The following BLTP1 variants were observed in gnomAD, a reference collection of about 807,000 sequenced individuals.
BLTP1 encodes bridge-like lipid transfer protein family member 1.
At chr4:122,339,495 A>G in the BLTP1 span, 3 of 917,338 alleles carry the variant, frequency 3.3e-6, no homozygotes, top group Non-Finnish European at 3.0e-6. Context: ...TACATATTTT[A>G]AAATATATTT....
the BLTP1 span, chr4:122,281,605 A>G: frequency 5.6e-6 from 9 of 1,613,398 alleles, no homozygotes; most frequent in Admixed American, 1.7e-5. Flanking sequence ...GTGTTAATCA[A>G]ACTCCTGTTG....
At chr4:122,203,408 C>G in the BLTP1 span, among the ~76,000 whole-genome samples, 1 of 151,830 alleles carries the variant, frequency 6.6e-6, no homozygotes, top group African/African-American at 2.4e-5. Flanking sequence ...AAATAATACA[C>G]TGGCATTGAA....
At chr4:122,300,918 C>CAA in the BLTP1 span, 93 of 888,788 alleles carry the variant, frequency 1.0e-4, no homozygotes, top group Non-Finnish European at 1.1e-4. Flanking sequence ...ATTGCCCAGG[C>CAA]AAAAAAAAAA....
the BLTP1 span, among the ~76,000 whole-genome samples, chr4:122,232,711 T>C: frequency 6.6e-6 from 1 of 152,168 alleles, no homozygotes; most frequent in Non-Finnish European, 1.5e-5. Flanking sequence ...TCTTACTATT[T>C]TTATAGTAAG....
chr4:122,182,823 CTT>C, the BLTP1 span: 1 of 984,868 alleles, frequency 1.0e-6, no homozygotes, highest in African/African-American at 1.7e-5. Context: ...TCATTTCCCT[CTT>C]TCTTTTTTTA....
At chr4:122,269,378 G>A in the BLTP1 span, 1 of 983,486 alleles carries the variant, frequency 1.0e-6, no homozygotes, top group Non-Finnish European at 1.2e-6. Flanking sequence ...ACACAAGTAA[G>A]TCTGTTTTGA....
At chr4:122,273,306 A>C in the BLTP1 span, 12,096 of 983,842 alleles carry the variant, frequency 0.012, 231 homozygotes, top group African/African-American at 0.081. Context: ...TCAAAAAACT[A>C]ATTTTAAATT....
chr4:122,324,634 A>T, the BLTP1 span: 5 of 935,944 alleles, frequency 5.3e-6, no homozygotes, highest in Non-Finnish European at 7.6e-6. Flanking sequence ...AATTAAGATA[A>T]CAAAAATTAA....
the BLTP1 span, chr4:122,209,520 C>T: frequency 3.7e-6 from 1 of 267,020 alleles, no homozygotes; most frequent in Non-Finnish European, 5.8e-6. Context: ...TGGCGCATGC[C>T]TGTAGTCCTA....
the BLTP1 span, chr4:122,199,257 A>G: frequency 6.8e-7 from 1 of 1,481,252 alleles, no homozygotes; most frequent in South Asian, 1.4e-5. Flanking sequence ...CCATTTTTCA[A>G]GGATTCCTTC....
the BLTP1 span, chr4:122,281,454 T>C: frequency 1.0e-5 from 15 of 1,432,942 alleles, no homozygotes; most frequent in South Asian, 2.5e-4. Flanking sequence ...TTGCTATTTT[T>C]CACTGAGAAA....
At chr4:122,224,567 C>T in the BLTP1 span, 1 of 1,613,934 alleles carries the variant, frequency 6.2e-7, no homozygotes, top group Non-Finnish European at 8.5e-7. Context: ...GCTGAGAGCA[C>T]ACGCTATGTT....
chr4:122,240,179 G>T, the BLTP1 span: 2 of 1,614,006 alleles, frequency 1.2e-6, no homozygotes, highest in Non-Finnish European at 1.7e-6. Flanking sequence ...AACAACCCGT[G>T]ATGAATTGTT....
the BLTP1 span, chr4:122,281,849 G>T: frequency 1.4e-6 from 2 of 1,385,884 alleles, no homozygotes; most frequent in Middle Eastern, 2.3e-4. Flanking sequence ...TTGATAAAAA[G>T]GTAAATTTGG....
At chr4:122,231,703 G>C in the BLTP1 span, 3 of 972,770 alleles carry the variant, frequency 3.1e-6, no homozygotes, top group Non-Finnish European at 3.7e-6. Context: ...TATAAAACTC[G>C]AATCCCTCTG....
the BLTP1 span, chr4:122,207,376 C>T: frequency 2.9e-6 from 4 of 1,372,572 alleles, no homozygotes; most frequent in South Asian, 5.9e-5. Flanking sequence ...GTTATTTCCC[C>T]CCATTATCTT....
chr4:122,235,403 A>C, the BLTP1 span: 2 of 980,320 alleles, frequency 2.0e-6, no homozygotes, highest in Non-Finnish European at 2.4e-6. Flanking sequence ...TAACTTTTGG[A>C]TAGTAATATT....
the BLTP1 span, chr4:122,301,076 A>G: frequency 1.1e-6 from 1 of 891,690 alleles, no homozygotes; most frequent in Non-Finnish European, 1.3e-6. Flanking sequence ...AATAATATAT[A>G]CAGTGTTTTA....
At chr4:122,245,973 T>A in the BLTP1 span, 1 of 247,256 alleles carries the variant, frequency 4.0e-6, no homozygotes, top group Non-Finnish European at 6.4e-6. Flanking sequence ...TCAACCATGA[T>A]GCTACCAGTC....
Sources: gnomAD v4.1 joint callset for allele counts (sites outside exome capture counted in the v4.1 genomes callset) on GRCh38, gnomAD v4.1.1 for gene constraint, MANE v1.5 for transcripts, NCBI Gene and HGNC (gene_info 2026-07-23, HGNC 2026-07-21) for gene names.